Variants in RBMS3 observed in about 807,000 individuals in gnomAD.
The protein encoded by RBMS3 is RNA-binding motif, single-stranded-interacting protein 3.
RBMS3 carries 27 observed loss-of-function variants against 66.8 expected under a neutral mutation model. That is an observed-to-expected ratio of 0.40 (90% CI 0.30 to 0.56). The LOEUF (loss-of-function observed/expected upper bound fraction) is 0.56. Among genes scored for constraint, RBMS3 ranks in the 20% least tolerant of loss-of-function variants. The probability of loss-of-function intolerance (pLI) is 0.40; values close to 1 mark genes in which losing one functional copy is unlikely to be tolerated. For missense variants in RBMS3, 513 were observed against 549.5 expected, an observed-to-expected ratio of 0.93 and a Z score of 0.66; for synonymous variants, 188 against 183.0, an observed-to-expected ratio of 1.03 and a Z score of -0.22.
chr3:29,942,312 A>G, intron 11 of RBMS3, among the ~76,000 whole-genome samples: 1 of 151,734 alleles, frequency 6.6e-6, no homozygotes, highest in Non-Finnish European at 1.5e-5. Context: ...TGAGGTCAGG[A>G]GTTGGAGACC....
intron 10 of RBMS3, among the ~76,000 whole-genome samples, chr3:29,908,426 A>T (rs982304808): frequency 6.6e-6 from 1 of 152,166 alleles, no homozygotes; most frequent in Non-Finnish European, 1.5e-5. Flanking sequence ...CTAGTTGTTG[A>T]TAATTAGATC....
chr3:29,738,099 T>C (rs2054462199), intron 4 of RBMS3, among the ~76,000 whole-genome samples: 1 of 152,198 alleles, frequency 6.6e-6, no homozygotes, highest in Non-Finnish European at 1.5e-5. Flanking sequence ...TATCACAATC[T>C]ATCTGAATAT....
intron 6 of RBMS3, among the ~76,000 whole-genome samples, chr3:29,791,542 G>A (rs949390395): frequency 3.3e-5 from 5 of 152,092 alleles, no homozygotes; most frequent in African/African-American, 1.2e-4. Context: ...CTTTTTGAAA[G>A]ATGGCTTTGA....
Position 29,657,472 on chromosome 3 carries a change from G to T in RBMS3, c.399+70267G>T, listed in dbSNP as rs116240646. Reference sequence around the variant, plus strand: ...CTGAGCATTGAAAGTGTTCAACTTTGAAAATGTTTATTGTCAGTAAGCTTT... The same window carrying T: ...CTGAGCATTGAAAGTGTTCAACTTTTAAAATGTTTATTGTCAGTAAGCTTT... On this transcript the variant is annotated intron_variant, in intron 4 of 14. Coordinates refer to ENST00000383767, the MANE Select transcript of RBMS3 (RefSeq NM_001003793.3). Among the ~76,000 whole-genome samples, 1,156 of 152,272 alleles carry T rather than the reference G, an allele frequency of 7.6e-3. 9 individuals are homozygous for T. The highest frequency in any genetic ancestry group is 0.027 in the African/African-American group (1,115 of 41,550).
rs146905172 is a variant in RBMS3 at position 29,745,917 on chromosome 3, A to T, written c.557+6040A>T. Among the ~76,000 whole-genome samples the T allele has an allele frequency of 4.4e-4, 67 of 151,470 alleles. No individual in the cohort carries two copies. The East Asian group carries it at 0.011, about 26-fold the overall frequency. The stretch of plus-strand genomic sequence containing the variant: ...ATTAAGTAAAAAAAAAAAGATGGGT[A>T]TAGGCATACAAATACTAGCCTGCTT... On this transcript the variant is annotated intron_variant, in intron 5 of 14. Transcript: ENST00000383767.
intron 7 of RBMS3, among the ~76,000 whole-genome samples, chr3:29,869,790 A>G (rs987452752): frequency 3.9e-5 from 6 of 152,214 alleles, no homozygotes; most frequent in African/African-American, 1.2e-4. Flanking sequence ...TACCAAGGCC[A>G]TACTTTCAAG....
At chr3:29,624,219 T>G (rs1441118490) in intron 4 of RBMS3, among the ~76,000 whole-genome samples, 1 of 152,200 alleles carries the variant, frequency 6.6e-6, no homozygotes, top group Non-Finnish European at 1.5e-5. Flanking sequence ...AAAGCACTTT[T>G]AAATTATTTT....
chr3:29,628,928 A>G (rs2049172808), intron 4 of RBMS3, among the ~76,000 whole-genome samples: 1 of 152,052 alleles, frequency 6.6e-6, no homozygotes, highest in African/African-American at 2.4e-5. Flanking sequence ...TCCCTCACAC[A>G]GTGTGCTCAG....
chr3:29,900,422 A>G (rs116490684), intron 10 of RBMS3, among the ~76,000 whole-genome samples: 2,759 of 151,862 alleles, frequency 0.018, 74 homozygotes, highest in African/African-American at 0.061. Flanking sequence ...TTCCCATTTT[A>G]TGGCACAATA....
At chr3:29,293,359 CA>C (rs1471279663) in intron 1 of RBMS3, among the ~76,000 whole-genome samples, 1 of 151,778 alleles carries the variant, frequency 6.6e-6, no homozygotes, top group Non-Finnish European at 1.5e-5. Context: ...ATGAGAACCA[CA>C]CAGTACCAAC....
intron 3 of RBMS3, among the ~76,000 whole-genome samples, chr3:29,490,134 TTTAAATTTAAAATTTAATTTAAAA>T (rs1349811644): frequency 4.1e-4 from 62 of 151,306 alleles, no homozygotes; most frequent in African/African-American, 1.5e-3. Context: ...TCCTGGATAT[TTTAAATTTAAAATTTAATTTAAAA>T]TTAAATTTAA....
intron 4 of RBMS3, among the ~76,000 whole-genome samples, chr3:29,596,967 G>A (rs559224813): frequency 6.6e-6 from 1 of 152,240 alleles, no homozygotes; most frequent in Non-Finnish European, 1.5e-5. Flanking sequence ...GAATTATTCA[G>A]AACCTAATTC....
intron 1 of RBMS3, among the ~76,000 whole-genome samples, chr3:29,420,079 C>T (rs960120163): frequency 2.6e-5 from 4 of 152,144 alleles, no homozygotes; most frequent in Admixed American, 6.5e-5. Context: ...ATTTGTAAAG[C>T]AAGAAATGAT....
chr3:29,847,095 C>T (rs1309318680), intron 6 of RBMS3, among the ~76,000 whole-genome samples: 1 of 152,160 alleles, frequency 6.6e-6, no homozygotes, highest in Non-Finnish European at 1.5e-5. Flanking sequence ...AAGTTATTTA[C>T]ATGACACAGC....
chr3:29,293,534 T>C (rs2032993361), intron 1 of RBMS3, among the ~76,000 whole-genome samples: 1 of 151,774 alleles, frequency 6.6e-6, no homozygotes, highest in Non-Finnish European at 1.5e-5. Context: ...GATTTCAACA[T>C]GGCCCATAAA....
At chr3:29,408,338 A>G (rs1575733960) in intron 1 of RBMS3, among the ~76,000 whole-genome samples, 1 of 151,564 alleles carries the variant, frequency 6.6e-6, no homozygotes, top group East Asian at 1.9e-4. Context: ...TTTAATGTAC[A>G]TTGGAATCAC....
intron 6 of RBMS3, among the ~76,000 whole-genome samples, chr3:29,823,755 A>C (rs2058133575): frequency 6.6e-6 from 1 of 152,178 alleles, no homozygotes; most frequent in Non-Finnish European, 1.5e-5. Flanking sequence ...TTAGGTGAAC[A>C]CATGTGCTTA....
At chr3:29,884,470 C>CTT (rs1491200120) in intron 8 of RBMS3, among the ~76,000 whole-genome samples, 20 of 70,502 alleles carry the variant, frequency 2.8e-4, no homozygotes, top group Non-Finnish European at 4.8e-4. Flanking sequence ...CTCTCTCTCT[C>CTT]CCCCCCCGCT....
chr3:29,542,273 ATT>A (rs2045792958), intron 3 of RBMS3, among the ~76,000 whole-genome samples: 1 of 152,156 alleles, frequency 6.6e-6, no homozygotes, highest in Admixed American at 6.5e-5. Context: ...ATGTCTTTTC[ATT>A]TTTAATACTT....
Sources: gnomAD v4.1 joint callset for allele counts (sites outside exome capture counted in the v4.1 genomes callset) on GRCh38, gnomAD v4.1.1 for gene constraint, MANE v1.5 for transcripts, NCBI Gene and HGNC (gene_info 2026-07-23, HGNC 2026-07-21) for gene names.